GOLGA4: variants seen among roughly 807,000 people sequenced by gnomAD.
The protein encoded by GOLGA4 is golgin A4.
A neutral mutation model predicts 265.9 loss-of-function variants in GOLGA4; 169 were observed. That is an observed-to-expected ratio of 0.64 (90% CI 0.56 to 0.72). The LOEUF (loss-of-function observed/expected upper bound fraction) is 0.72. Ranked by LOEUF, GOLGA4 falls within the 30% of genes least tolerant of loss-of-function variation. The probability of loss-of-function intolerance (pLI) is 0.00; values close to 1 mark genes in which losing one functional copy is unlikely to be tolerated. For synonymous variants in GOLGA4, 923 were observed against 855.8 expected (o/e 1.08, Z -1.37); for missense variants, 2,482 against 2,483.4 (o/e 1.00, Z 0.01).
intron 19 of GOLGA4, among the ~76,000 whole-genome samples, chr3:37,339,664 G>A (rs1023417649): frequency 1.3e-5 from 2 of 152,158 alleles, no homozygotes; most frequent in African/African-American, 4.8e-5. Flanking sequence ...TCATTGGCTT[G>A]TTGGCCATTT....
chr3:37,343,965 A>G (rs982473854), intron 20 of GOLGA4, among the ~76,000 whole-genome samples: 4 of 152,264 alleles, frequency 2.6e-5, no homozygotes, highest in Non-Finnish European at 4.4e-5. Context: ...TAATGGTGTT[A>G]GTAAAATTCC....
chr3:37,315,148 C>G (rs2096934059), intron 10 of GOLGA4, among the ~76,000 whole-genome samples: 1 of 152,104 alleles, frequency 6.6e-6, no homozygotes, highest in Non-Finnish European at 1.5e-5. Context: ...GGAGAGCCTT[C>G]AGTAATTTAT....
intron 1 of GOLGA4, among the ~76,000 whole-genome samples, chr3:37,249,047 A>T (rs2096726980): frequency 2.0e-5 from 3 of 152,176 alleles, no homozygotes; most frequent in Non-Finnish European, 4.4e-5. Context: ...GAGTTCTTAG[A>T]TATAATCATT....
chr3:37,328,326 C>T, intron 14 of GOLGA4, 90 bp from the exon 15 acceptor site: 1 of 1,241,860 alleles, frequency 8.1e-7, no homozygotes, highest in Non-Finnish European at 1.1e-6. Context: ...ACAATGAACT[C>T]ATACTGTATG....
In GOLGA4 at chr3:37,326,022, T is replaced by A; in HGVS notation, c.4136T>A (p.Leu1379Ter). ...AGTCTTAGTAAACAACTAACTGATTTGAATGTTCAGCTTCAAAATAGCATC... is the reference window on the plus strand; with the variant it reads ...AGTCTTAGTAAACAACTAACTGATTAGAATGTTCAGCTTCAAAATAGCATC... ...ISSLSKQLTD[L>*]NVQLQNSISL... Residue 1379 changes from leucine (L) to a stop codon, truncating the protein, a stop_gained, in exon 14 of 24, where the codon TTG becomes TAG. Transcript: ENST00000361924. LOFTEE classifies it high-confidence loss of function. 1 of 1,613,548 alleles carries A rather than the reference T, an allele frequency of 6.2e-7. No individual in the cohort carries two copies. Among genetic ancestry groups the A allele is most frequent in the Non-Finnish European group, 8.5e-7 (1 of 1,179,646 alleles).
Position 37,366,316 on chromosome 3 carries a change from T to TC in GOLGA4, c.*270_*271insC. The TC allele has an allele frequency of 4.7e-6, 2 of 429,092 alleles. No homozygotes were observed. The highest frequency in any genetic ancestry group is 2.0e-5 in the African/African-American group (1 of 49,940). The allele number at this position is 429,092 out of a possible 1,614,324, so 26.6% of individuals were successfully genotyped here. A position where few individuals can be genotyped will look rare whatever the true frequency, so the allele number is the denominator to read the frequency against. ...GTTTTCTCTTGGGAAGAGTTTTATG[T>TC]TGTTTAAAAGATATTTTGATAACTT... On this transcript the variant is annotated 3_prime_UTR_variant, in exon 24 of 24. Transcript: ENST00000361924.
chr3:37,323,294 T>G (rs2096960594), intron 13 of GOLGA4, among the ~76,000 whole-genome samples: 1 of 152,024 alleles, frequency 6.6e-6, no homozygotes, highest in African/African-American at 2.4e-5. Flanking sequence ...GCCCGGCTAA[T>G]TTTTGTATGT....
chr3:37,356,029 A>G (rs1292547950), intron 22 of GOLGA4, among the ~76,000 whole-genome samples: 1 of 152,128 alleles, frequency 6.6e-6, no homozygotes, highest in Admixed American at 6.6e-5. Flanking sequence ...GAGCATCTCC[A>G]ATAAAGAGCA....
At chr3:37,321,617 C>CT (rs2096955065) in intron 12 of GOLGA4, 114 bp from the exon 13 acceptor site, 1 of 885,642 alleles carries the variant, frequency 1.1e-6, no homozygotes, top group Admixed American at 2.5e-5. Context: ...ATGACGTTAC[C>CT]TATCCAACAG....
At chr3:37,342,415 C>T (rs1174085080) in intron 20 of GOLGA4, among the ~76,000 whole-genome samples, 2 of 152,068 alleles carry the variant, frequency 1.3e-5, no homozygotes, top group Non-Finnish European at 2.9e-5. Flanking sequence ...TCTTTAGAAG[C>T]CCCTGTGTGT....
rs928268071 is a variant in GOLGA4 at position 37,325,099 on chromosome 3, A to G, written c.3213A>G (p.Gln1071=). ...AAATCCAATTACAGGAAAAAGAACAAGAGGTAGCAGAACTGAAACAAAAGA... is the reference window on the plus strand; with the variant it reads ...AAATCCAATTACAGGAAAAAGAACAGGAGGTAGCAGAACTGAAACAAAAGA... ...IHEIQLQEKE[Q]EVAELKQKIL... The change falls in exon 14 of 24, where the codon CAA becomes CAG. Residue 1071 remains glutamine, a synonymous_variant. Coordinates refer to ENST00000361924, the MANE Select transcript of GOLGA4 (RefSeq NM_002078.5). 1 of 1,612,802 alleles carries G rather than the reference A, an allele frequency of 6.2e-7. No individual in the cohort carries two copies. The highest frequency in any genetic ancestry group is 8.5e-7 in the Non-Finnish European group (1 of 1,179,180).
chr3:37,321,553 G>A, intron 12 of GOLGA4, 178 bp from the exon 13 acceptor site: 1 of 560,430 alleles, frequency 1.8e-6, no homozygotes, highest in African/African-American at 1.9e-5. Context: ...TTACCCCACT[G>A]GAAAAGCCAT....
chr3:37,258,986 C>G (rs7618155), intron 2 of GOLGA4, among the ~76,000 whole-genome samples: 129,934 of 152,002 alleles, frequency 0.85, 56,209 homozygotes, highest in African/African-American at 0.97. Context: ...AGTAATACAG[C>G]CCCCATGAAA....
chr3:37,276,146 C>A, intron 2 of GOLGA4: 2 of 1,605,876 alleles, frequency 1.2e-6, no homozygotes, highest in African/African-American at 2.7e-5. Context: ...TGCTGCAGCT[C>A]TTCGAACAGG....
chr3:37,292,386 A>G (rs998679771), intron 5 of GOLGA4, among the ~76,000 whole-genome samples: 2 of 152,196 alleles, frequency 1.3e-5, no homozygotes, highest in African/African-American at 2.4e-5. Context: ...CCATTATTTC[A>G]TTAAAGTAGT....
intron 23 of GOLGA4, among the ~76,000 whole-genome samples, chr3:37,362,079 C>A (rs1049286075): frequency 3.9e-5 from 6 of 152,136 alleles, no homozygotes; most frequent in Non-Finnish European, 8.8e-5. Context: ...AAACAGATCA[C>A]AATTAGTAGG....
intron 5 of GOLGA4, among the ~76,000 whole-genome samples, chr3:37,290,042 G>A (rs1002212236): frequency 6.6e-6 from 1 of 152,088 alleles, no homozygotes; most frequent in Non-Finnish European, 1.5e-5. Context: ...TTTGAAATAG[G>A]TAGCTTTAGG....
chr3:37,305,227 A>G (rs2096902960), intron 10 of GOLGA4, among the ~76,000 whole-genome samples: 1 of 152,176 alleles, frequency 6.6e-6, no homozygotes, highest in Non-Finnish European at 1.5e-5. Flanking sequence ...CCAGATTTAA[A>G]TTATTAATGG....
In GOLGA4 at chr3:37,246,746, A is replaced by G. The variant is rs184422879; in HGVS notation, c.72+3124A>G. On this transcript the variant is annotated intron_variant, in intron 1 of 23. Coordinates refer to ENST00000361924, the MANE Select transcript of GOLGA4 (RefSeq NM_002078.5). The stretch of plus-strand genomic sequence containing the variant: ...CATGCCACTGAATTGTACAGCTACA[A>G]ATGTTTAAAATGGTAAATTTTATGT... Among the ~76,000 whole-genome samples, 204 of 152,318 alleles carry G rather than the reference A, an allele frequency of 1.3e-3. 1 individual carries two copies. Among genetic ancestry groups the G allele is most frequent in the African/African-American group, 4.5e-3 (186 of 41,566 alleles).
Sources: gnomAD v4.1 joint callset for allele counts (sites outside exome capture counted in the v4.1 genomes callset) on GRCh38, gnomAD v4.1.1 for gene constraint, MANE v1.5 for transcripts, NCBI Gene and HGNC (gene_info 2026-07-23, HGNC 2026-07-21) for gene names.